The following MATN2 variants were observed in gnomAD, a reference collection of about 807,000 sequenced individuals.
MATN2 encodes matrilin 2.
A neutral mutation model predicts 103.2 loss-of-function variants in MATN2; 69 were observed. That is an observed-to-expected ratio of 0.67 (90% CI 0.55 to 0.82). The LOEUF (loss-of-function observed/expected upper bound fraction) is 0.82, where lower values mean the gene tolerates loss of function less well. Ranked by LOEUF, MATN2 falls within the 40% of genes least tolerant of loss-of-function variation. The pLI is 0.00. For missense variants in MATN2, 1,023 were observed against 1,211.5 expected (o/e 0.84, Z 2.31); for synonymous variants, 429 against 450.2 (o/e 0.95, Z 0.60).
chr8:97,916,016 A>T (rs1022892669), intron 2 of MATN2, among the ~76,000 whole-genome samples: 1 of 151,252 alleles, frequency 6.6e-6, no homozygotes, highest in African/African-American at 2.4e-5. Context: ...TTTAAAAGAA[A>T]ATGTTTTAAT....
At chr8:98,016,434 C>T in intron 10 of MATN2, 106 bp from the exon 11 acceptor site, 3 of 985,170 alleles carry the variant, frequency 3.0e-6, no homozygotes, top group Non-Finnish European at 4.6e-6. Flanking sequence ...TAGGATAAGG[C>T]ACTGTTTTAA....
intron 2 of MATN2, among the ~76,000 whole-genome samples, chr8:97,903,119 C>T (rs922692049): frequency 2.0e-5 from 3 of 152,218 alleles, no homozygotes; most frequent in African/African-American, 7.2e-5. Flanking sequence ...AGCAAGCTTG[C>T]TGTCCAGCCA....
chr8:97,888,534 C>T (rs1400616676), intron 2 of MATN2, among the ~76,000 whole-genome samples: 1 of 152,154 alleles, frequency 6.6e-6, no homozygotes, highest in African/African-American at 2.4e-5. Flanking sequence ...GTTGTTGGAC[C>T]TATCTGAGCA....
At chr8:97,911,185 G>T (rs1809418104) in intron 2 of MATN2, among the ~76,000 whole-genome samples, 1 of 151,420 alleles carries the variant, frequency 6.6e-6, no homozygotes, top group Non-Finnish European at 1.5e-5. Flanking sequence ...TAGAGACGGG[G>T]TCTCACCATA....
At chr8:97,980,147 G>A (rs1811969086) in intron 6 of MATN2, among the ~76,000 whole-genome samples, 1 of 152,194 alleles carries the variant, frequency 6.6e-6, no homozygotes, top group African/African-American at 2.4e-5. Flanking sequence ...GGTGAGGTGG[G>A]GGTTCCAGGA....
chr8:97,896,373 C>T (rs971435672), intron 2 of MATN2, among the ~76,000 whole-genome samples: 7 of 152,148 alleles, frequency 4.6e-5, no homozygotes, highest in African/African-American at 1.4e-4. Context: ...TGATGAAATC[C>T]GCAGCTTTCC....
intron 1 of MATN2, among the ~76,000 whole-genome samples, chr8:97,875,418 T>C (rs1255553327): frequency 6.6e-6 from 1 of 152,094 alleles, no homozygotes; most frequent in African/African-American, 2.4e-5. Flanking sequence ...GTTAAGTTAA[T>C]TTTTTTCTTT....
intron 3 of MATN2, among the ~76,000 whole-genome samples, chr8:97,941,161 C>CAAAAAA (rs1186024165): frequency 1.2e-3 from 96 of 77,962 alleles, no homozygotes; most frequent in South Asian, 2.8e-3. Context: ...GACCTTGTCT[C>CAAAAAA]AAAAAAAAAA....
At chr8:97,922,664 C>T (rs1809851017) in intron 2 of MATN2, among the ~76,000 whole-genome samples, 1 of 152,176 alleles carries the variant, frequency 6.6e-6, no homozygotes, top group East Asian at 1.9e-4. Context: ...TTAACAATGT[C>T]TGCCAGGGAC....
At chr8:97,932,612 C>T (rs1005621319) in intron 3 of MATN2, among the ~76,000 whole-genome samples, 20 of 152,348 alleles carry the variant, frequency 1.3e-4, no homozygotes, top group African/African-American at 4.8e-4. Flanking sequence ...CTGCTGCCCC[C>T]ACTCTTCTCA....
chr8:97,952,916 ATTTTTTTTTTT>A (rs71570276), intron 4 of MATN2, among the ~76,000 whole-genome samples: 3 of 96,138 alleles, frequency 3.1e-5, no homozygotes, highest in African/African-American at 4.1e-5. Context: ...GTTTGTAGGG[ATTTTTTTTTTT>A]TTTTTTTTTT....
At chr8:98,030,883 G>A (rs979078763) in intron 15 of MATN2, among the ~76,000 whole-genome samples, 2 of 151,990 alleles carry the variant, frequency 1.3e-5, no homozygotes, top group Non-Finnish European at 2.9e-5. Context: ...GGCTGGTCTC[G>A]AACTCCTGAC....
At chr8:97,971,627 T>C (rs1811657437) in intron 5 of MATN2, among the ~76,000 whole-genome samples, 3 of 152,216 alleles carry the variant, frequency 2.0e-5, no homozygotes, top group South Asian at 4.1e-4. Flanking sequence ...TTTCTGAACA[T>C]GAATTTTCTG....
At chr8:97,951,891 A>C (rs1810966084) in intron 4 of MATN2, 1 of 152,210 alleles carries the variant, frequency 6.6e-6, no homozygotes, top group Non-Finnish European at 1.5e-5. Context: ...AAAAAATTCA[A>C]CTGCTGCGGG....
At chr8:97,910,065 CT>C (rs1224584417) in intron 2 of MATN2, among the ~76,000 whole-genome samples, 1,637 of 134,628 alleles carry the variant, frequency 0.012, 22 homozygotes, top group African/African-American at 0.032. Flanking sequence ...TTACAGGCGA[CT>C]TTTTTTTTTT....
chr8:97,978,817 G>A (rs1811923104), intron 5 of MATN2, 69 bp from the exon 6 acceptor site: 1 of 1,387,982 alleles, frequency 7.2e-7, no homozygotes, highest in Non-Finnish European at 1.0e-6. Context: ...TTATCATTTT[G>A]CCCTCATCCT....
chr8:98,030,322 A>G lies in MATN2; in HGVS notation c.2357-140A>G, dbSNP rs1480556311. 3 of 652,896 alleles carry G rather than the reference A, an allele frequency of 4.6e-6. No individual in the cohort carries two copies. In the East Asian group the frequency reaches 8.7e-5, roughly 19 times the overall value. The allele number at this position is 652,896 out of a possible 1,614,324, so 40.4% of individuals were successfully genotyped here. A position where few individuals can be genotyped will look rare whatever the true frequency, so the allele number is the denominator to read the frequency against. On this transcript the variant is annotated intron_variant, in intron 14 of 18. Transcript: ENST00000254898. Reference sequence around the variant, plus strand: ...ATAGGACCAAAATAAAAATGGTAGAAAAATAAAAAGGAAGGTTGGCATGGA... The same window carrying G: ...ATAGGACCAAAATAAAAATGGTAGAGAAATAAAAAGGAAGGTTGGCATGGA...
chr8:97,945,025 GT>G (rs1262596017), intron 4 of MATN2, among the ~76,000 whole-genome samples: 1 of 152,172 alleles, frequency 6.6e-6, no homozygotes, highest in African/African-American at 2.4e-5. Context: ...GCATAAAAAT[GT>G]GCCAGGCAGC....
chr8:97,881,843 A>G (rs373861689), intron 1 of MATN2, among the ~76,000 whole-genome samples: 71 of 151,638 alleles, frequency 4.7e-4, no homozygotes, highest in Middle Eastern at 3.5e-3. Context: ...CTTGTCTGGT[A>G]CTGATATTGC....
Sources: gnomAD v4.1 joint callset for allele counts (sites outside exome capture counted in the v4.1 genomes callset) on GRCh38, gnomAD v4.1.1 for gene constraint, MANE v1.5 for transcripts, NCBI Gene and HGNC (gene_info 2026-07-23, HGNC 2026-07-21) for gene names.